The following KCNMA1 variants were observed in gnomAD, a reference collection of about 807,000 sequenced individuals.
KCNMA1 encodes potassium calcium-activated channel subfamily M alpha 1.
Under a neutral mutation model 140.0 loss-of-function variants are expected in KCNMA1, and 29 were observed. The observed-to-expected ratio is 0.21, with a 90% CI of 0.15 to 0.28. The LOEUF is 0.28. KCNMA1 is among the 10% of genes least tolerant of loss of function. The pLI is 1.00. For missense variants in KCNMA1, 880 were observed against 1,602.2 expected, an observed-to-expected ratio of 0.55 and a Z score of 7.70; for synonymous variants, 612 against 611.9, an observed-to-expected ratio of 1.00 and a Z score of 0.00.
At chr10:76,972,341 G>T (rs2076315042) in intron 19 of KCNMA1, among the ~76,000 whole-genome samples, 1 of 152,196 alleles carries the variant, frequency 6.6e-6, no homozygotes, top group Non-Finnish European at 1.5e-5. Context: ...TACCATGGTT[G>T]TGTCCAGTTA....
chr10:76,917,407 G>A (rs749531611), intron 23 of KCNMA1, among the ~76,000 whole-genome samples: 5 of 152,140 alleles, frequency 3.3e-5, no homozygotes, highest in African/African-American at 1.2e-4. Context: ...TACAGAACTC[G>A]CAACAAGCCA....
intron 13 of KCNMA1, among the ~76,000 whole-genome samples, chr10:77,078,719 G>A (rs1446890628): frequency 6.6e-6 from 1 of 152,168 alleles, no homozygotes; most frequent in Non-Finnish European, 1.5e-5. Context: ...ACACAAAATA[G>A]GGCTTCTCCT....
At chr10:77,098,843 C>T (rs545901747) in intron 9 of KCNMA1, among the ~76,000 whole-genome samples, 9 of 152,124 alleles carry the variant, frequency 5.9e-5, no homozygotes, top group African/African-American at 2.2e-4. Context: ...TCACAAACTG[C>T]ACTGATTCCT....
chr10:77,108,486 T>C lies in KCNMA1; in HGVS notation c.1218A>G (p.Gly406=), dbSNP rs755284666. Residue 406 remains glycine, a synonymous_variant, in exon 9 of 28, where the codon GGA becomes GGG. Coordinates refer to ENST00000286628, the MANE Select transcript of KCNMA1 (RefSeq NM_001161352.2). The surrounding 1 kb of genome is among the most constrained non-coding windows in gnomAD (Gnocchi z 4.6). ...KYGGSYSAVS[G]RKHIVVCGHI... is the part of the protein sequence containing the mutation. Reference sequence around the variant, plus strand: ...AAACCTCTTGGCATACTTACTTTCTTCCACTAACCGCACTATAGGAGCCCC... The same window carrying C: ...AAACCTCTTGGCATACTTACTTTCTCCCACTAACCGCACTATAGGAGCCCC... The C allele has an allele frequency of 1.4e-5, 23 of 1,613,136 alleles. No individual in the cohort carries two copies. The highest frequency in any genetic ancestry group is 8.0e-5 in the African/African-American group (6 of 74,822).
chr10:77,012,080 A>G (rs1227201850), intron 17 of KCNMA1, 37 bp from the exon 18 acceptor site: 1 of 1,612,226 alleles, frequency 6.2e-7, no homozygotes, highest in Non-Finnish European at 8.5e-7. Context: ...CACGTTTCAT[A>G]ATCCACCCAA....
At chr10:77,483,153 G>A (rs181504174) in intron 1 of KCNMA1, among the ~76,000 whole-genome samples, 2 of 152,264 alleles carry the variant, frequency 1.3e-5, no homozygotes, top group African/African-American at 2.4e-5. Context: ...GGGGCCAGGA[G>A]AGGAGACTTT....
intron 1 of KCNMA1, among the ~76,000 whole-genome samples, chr10:77,608,287 C>T (rs2085303706): frequency 6.6e-6 from 1 of 152,192 alleles, no homozygotes; most frequent in East Asian, 1.9e-4. Context: ...ATCATCCCAT[C>T]TCAGCCTCAA....
intron 5 of KCNMA1, among the ~76,000 whole-genome samples, chr10:77,160,027 A>T (rs2098538132): frequency 6.6e-6 from 1 of 152,210 alleles, no homozygotes; most frequent in African/African-American, 2.4e-5. Context: ...AAATAAGTGG[A>T]TGGAGGTGGA....
At chr10:77,090,532 G>T (rs747068514) in intron 9 of KCNMA1, 22 bp from the exon 10 acceptor site, 5 of 1,521,172 alleles carry the variant, frequency 3.3e-6, no homozygotes, top group African/African-American at 2.7e-5. Flanking sequence ...AGGCCAGTTA[G>T]ATCAGGCCAG....
intron 2 of KCNMA1, among the ~76,000 whole-genome samples, chr10:77,317,926 G>T (rs1161665468): frequency 6.6e-6 from 1 of 152,174 alleles, no homozygotes; most frequent in African/African-American, 2.4e-5. Context: ...GAAATTGTTT[G>T]CTTGACTCCT....
At chr10:77,370,692 G>A (rs1176762564) in intron 2 of KCNMA1, among the ~76,000 whole-genome samples, 1 of 152,188 alleles carries the variant, frequency 6.6e-6, no homozygotes, top group African/African-American at 2.4e-5. Flanking sequence ...ACCTATCCAA[G>A]TTCACACAAC....
At chr10:76,957,304 C>A (rs2068788566) in intron 20 of KCNMA1, among the ~76,000 whole-genome samples, 1 of 151,908 alleles carries the variant, frequency 6.6e-6, no homozygotes, top group Non-Finnish European at 1.5e-5. Flanking sequence ...GAAGATGCCC[C>A]ATACCATACC....
At chr10:77,572,605 A>ATATATATAT (rs2072036710) in intron 1 of KCNMA1, among the ~76,000 whole-genome samples, 2 of 41,854 alleles carry the variant, frequency 4.8e-5, no homozygotes, top group African/African-American at 9.2e-5. Flanking sequence ...TATATATATA[A>ATATATATAT]ATTAGCTGGG....
chr10:77,361,860 A>G (rs2093979587), intron 2 of KCNMA1, among the ~76,000 whole-genome samples: 1 of 152,228 alleles, frequency 6.6e-6, no homozygotes, highest in African/African-American at 2.4e-5. Flanking sequence ...GAACGAAAGC[A>G]AGGCAGCACA....
At chr10:77,076,072 A>G (rs972928518) in intron 13 of KCNMA1, among the ~76,000 whole-genome samples, 12 of 152,314 alleles carry the variant, frequency 7.9e-5, no homozygotes, top group Non-Finnish European at 1.8e-4. Context: ...TCCTAGTTCC[A>G]TCTCTCACTA....
At chr10:77,458,687 G>C (rs1443834743) in intron 1 of KCNMA1, among the ~76,000 whole-genome samples, 1 of 152,214 alleles carries the variant, frequency 6.6e-6, no homozygotes, top group East Asian at 1.9e-4. Flanking sequence ...AAATGGGAAA[G>C]TGAGAGGGCA....
Position 77,110,192 on chromosome 10 carries a change from A to C in KCNMA1, c.1112T>G (p.Phe371Cys), listed in dbSNP as rs1317340688. The C allele has an allele frequency of 1.2e-6, 2 of 1,613,956 alleles. No individual in the cohort carries two copies. The highest frequency in any genetic ancestry group is 1.7e-6 in the Non-Finnish European group (2 of 1,179,946). ...KTTLGRLFMV[F>C]FILGGLAMFA... ...TTTTACCAGTCCCCCGAGGATGAAG[A>C]AGACCATGAAGAGGCGCCCAAGTGT... The change falls in exon 8 of 28, where the codon TTC (phenylalanine) becomes TGC (cysteine). Residue 371 changes from phenylalanine (F) to cysteine (C), a missense_variant. Transcript: ENST00000286628.
intron 14 of KCNMA1, among the ~76,000 whole-genome samples, chr10:77,068,089 T>C (rs1279871197): frequency 1.3e-5 from 2 of 152,228 alleles, no homozygotes; most frequent in Non-Finnish European, 2.9e-5. Flanking sequence ...CCTGAGTTTG[T>C]GAATTCCAAA....
intron 1 of KCNMA1, among the ~76,000 whole-genome samples, chr10:77,514,456 C>CAG (rs1432009516): frequency 3.9e-5 from 6 of 152,076 alleles, no homozygotes; most frequent in Admixed American, 2.6e-4. Context: ...AAGCAGGGAC[C>CAG]AGAGGTAAGA....
Sources: allele counts gnomAD v4.1 joint callset (sites outside exome capture counted in the v4.1 genomes callset), GRCh38; gene constraint gnomAD v4.1.1; non-coding constraint Gnocchi (gnomAD v3.1); transcripts MANE v1.5; gene names NCBI Gene and HGNC (gene_info 2026-07-23, HGNC 2026-07-21).